Variants in SAMM50 observed in about 807,000 individuals in gnomAD.
SAMM50 encodes SAMM50 sorting and assembly machinery component, also known as sorting and assembly machinery component 50 homolog.
Under a neutral mutation model 66.9 loss-of-function variants are expected in SAMM50, and 47 were observed. The ratio of observed to expected loss-of-function variants is 0.70; its 90% CI spans 0.56 to 0.90. The LOEUF (loss-of-function observed/expected upper bound fraction) is 0.90, where lower values mean the gene tolerates loss of function less well. Ranked by LOEUF, SAMM50 falls within the 40% of genes least tolerant of loss-of-function variation. The pLI is 0.00. For missense variants in SAMM50, 535 were observed against 595.3 expected (o/e 0.90, Z 1.05); for synonymous variants, 191 against 214.1 (o/e 0.89, Z 0.94).
intron 12 of SAMM50, among the ~76,000 whole-genome samples, chr22:43,985,950 T>TC (rs1034576923): frequency 6.6e-6 from 1 of 151,812 alleles, no homozygotes; most frequent in Non-Finnish European, 1.5e-5. Context: ...TTTTTTTTTT[T>TC]CTTTTATGAT....
chr22:43,992,386 G>C (rs1488746099), intron 14 of SAMM50, among the ~76,000 whole-genome samples: 1 of 152,260 alleles, frequency 6.6e-6, no homozygotes, highest in Non-Finnish European at 1.5e-5. Context: ...ACACGGCAGG[G>C]GCTGCCAGGC....
At chr22:43,972,142 G>A in intron 4 of SAMM50, 94 bp from the exon 5 acceptor site, 1 of 639,766 alleles carries the variant, frequency 1.6e-6, no homozygotes, top group Non-Finnish European at 2.6e-6. Flanking sequence ...AAAATAGAAT[G>A]AACCTTCAGA....
chr22:43,964,400 C>T (rs1359691404), intron 2 of SAMM50, 52 bp from the exon 3 acceptor site: 3 of 897,934 alleles, frequency 3.3e-6, no homozygotes, highest in South Asian at 3.1e-5. Flanking sequence ...GTCTTGACAC[C>T]TAATCTGTTT....
chr22:43,968,257 A>G (rs1434030903), intron 3 of SAMM50, among the ~76,000 whole-genome samples: 4 of 151,326 alleles, frequency 2.6e-5, no homozygotes, highest in African/African-American at 9.7e-5. Context: ...AGAAAAAAGA[A>G]AAAAAGAAAA....
intron 12 of SAMM50, 91 bp from the exon 13 acceptor site, chr22:43,989,020 A>G: frequency 7.4e-7 from 1 of 1,345,300 alleles, no homozygotes; most frequent in South Asian, 1.3e-5. Flanking sequence ...TGTTTACAGG[A>G]CAGAAATCTT....
chr22:43,974,630 G>A (rs1047493555), intron 7 of SAMM50: 30 of 152,294 alleles, frequency 2.0e-4, no homozygotes, highest in African/African-American at 7.2e-4. Context: ...TTGTCTGGAA[G>A]GGAGCAGCCC....
chr22:43,989,012 T>C lies in SAMM50; in HGVS notation c.1076-99T>C. 8.8e-6 allele frequency: 11 copies of C among 1,248,776 alleles called. No homozygotes were observed. In the South Asian group the frequency reaches 1.6e-4, roughly 18 times the overall value. The allele number at this position is 1,248,776 out of a possible 1,614,324, so 77.4% of individuals were successfully genotyped here. A position where few individuals can be genotyped will look rare whatever the true frequency, so the allele number is the denominator to read the frequency against. On this transcript the variant is annotated intron_variant, in intron 12 of 14. Transcript: ENST00000350028. ...CAAACTCCAGCACTGTGTGGCGTTGTTTACAGGACAGAAATCTTGCTTCTG... is the reference window on the plus strand; with the variant it reads ...CAAACTCCAGCACTGTGTGGCGTTGCTTACAGGACAGAAATCTTGCTTCTG...
Position 43,964,604 on chromosome 22 carries a change from C to T in SAMM50, c.234+51C>T, listed in dbSNP as rs554732466. The T allele has an allele frequency of 1.7e-5, 17 of 986,236 alleles. No individual in the cohort carries two copies. The East Asian group carries it at 2.7e-4, about 16-fold the overall frequency. The allele number at this position is 986,236 out of a possible 1,614,324, so 61.1% of individuals were successfully genotyped here. On this transcript the variant is annotated intron_variant, in intron 3 of 14. Transcript: ENST00000350028. Reference sequence around the variant, plus strand: ...CTTTCCCAGTCTCTTCTGAAGAACTCGTAAATGTCCCCATGTGAAACCACA... The same window carrying T: ...CTTTCCCAGTCTCTTCTGAAGAACTTGTAAATGTCCCCATGTGAAACCACA...
chr22:43,973,302 A>G lies in SAMM50; in HGVS notation c.627A>G (p.Arg209=), dbSNP rs753798267. The part of the protein sequence containing the change: ...FPWSSLRETD[R]GMSAEYSFPI... The stretch of plus-strand genomic sequence containing the variant: ...GGAGCTCACTGCGGGAGACGGACAG[A>G]GGAATGTCAGCTGAGTACAGTGTGA... Residue 209 remains arginine, a synonymous_variant, in exon 7 of 15, where the codon AGA becomes AGG. Coordinates refer to ENST00000350028, the MANE Select transcript of SAMM50 (RefSeq NM_015380.5). 6.2e-7 allele frequency: 1 copy of G among 1,601,564 alleles called. No homozygotes were observed. The highest frequency in any genetic ancestry group is 2.2e-5 in the East Asian group (1 of 44,836).
intron 14 of SAMM50, 41 bp from the exon 15 acceptor site, chr22:43,996,297 G>T: frequency 1.2e-6 from 2 of 1,610,984 alleles, no homozygotes; most frequent in Non-Finnish European, 1.7e-6. Flanking sequence ...TGGCAGGGCT[G>T]GCGGAGCGGC....
chr22:43,996,290 C>A (rs778673586), intron 14 of SAMM50, 48 bp from the exon 15 acceptor site: 1 of 1,603,156 alleles, frequency 6.2e-7, no homozygotes, highest in Non-Finnish European at 8.5e-7. Flanking sequence ...GTGAAGATGG[C>A]AGGGCTGGCG....
Position 43,968,776 on chromosome 22 carries a change from G to A in SAMM50, c.280G>A (p.Gly94Arg). Reference protein sequence around the residue: ...HEAREKLLRLGIFRQVDVLID... With the variant: ...HEAREKLLRLRIFRQVDVLID... ...AGCCCGTGAAAAATTGCTCCGTCTT[G>A]GAATTTTTAGACAAGTGGATGTTTT... Residue 94 changes from glycine to arginine, a missense_variant, in exon 4 of 15, where the codon GGA becomes AGA. Physicochemically the swap from Gly to Arg is moderately radical, Grantham distance 125. Coordinates refer to ENST00000350028, the MANE Select transcript of SAMM50 (RefSeq NM_015380.5). 6.2e-7 allele frequency: 1 copy of A among 1,613,460 alleles called. No individual in the cohort carries two copies. The highest frequency in any genetic ancestry group is 8.5e-7 in the Non-Finnish European group (1 of 1,179,404).
Position 43,972,851 on chromosome 22 carries a change from T to TC in SAMM50, c.430-20_430-19insC. ...TCCTTCAATGTAGACCACTGCTATT[T>TC]TTTTTTTTTCCCCTCCTAGGTACTT... On this transcript the variant is annotated intron_variant, in intron 5 of 14. Transcript: ENST00000350028. 6.3e-7 allele frequency: 1 copy of TC among 1,575,164 alleles called. No homozygotes were observed. Among genetic ancestry groups the TC allele is most frequent in the Non-Finnish European group, 8.6e-7 (1 of 1,165,466 alleles).
Position 43,990,270 on chromosome 22 carries a change from G to A in SAMM50, c.1228G>A (p.Gly410Ser), listed in dbSNP as rs1162154121. The stretch of plus-strand genomic sequence containing the variant: ...ACAGGTCTTTCTCTTTTCAGGGGAG[G>A]GCCCCAAAGCTCATATTCGTAAGCT... ...GNLCNLNYGE[G>S]PKAHIRKLAE... Residue 410 changes from glycine (G) to serine (S), a missense_variant, in exon 14 of 15, where the codon GGC becomes AGC. Physicochemically the swap from Gly to Ser is moderately conservative, Grantham distance 56. Transcript: ENST00000350028. 7 of 1,614,056 alleles carry A rather than the reference G, an allele frequency of 4.3e-6. No individual in the cohort carries two copies. The highest frequency in any genetic ancestry group is 5.9e-6 in the Non-Finnish European group (7 of 1,180,038).
Position 43,981,433 on chromosome 22 carries a change from G to A in SAMM50, c.979G>A (p.Gly327Ser). 6.2e-7 allele frequency: 1 copy of A among 1,613,662 alleles called. No homozygotes were observed. The highest frequency in any genetic ancestry group is 1.1e-5 in the South Asian group (1 of 91,060). The change falls in exon 11 of 15, where the codon GGT becomes AGT. Residue 327 changes from glycine to serine, a missense_variant. By Grantham distance (56) the Gly-to-Ser change is moderately conservative. Coordinates refer to ENST00000350028, the MANE Select transcript of SAMM50 (RefSeq NM_015380.5). ...SFWGGMLVPI[G>S]DKPSSIADRF... ...CTGGGGCGGAATGTTGGTACCCATT[G>A]GTGATAAGCCGTCAAGCATTGCTGA...
At position 43,989,268 on chromosome 22, in the gene SAMM50, C is replaced by G; in HGVS notation, c.1222+11C>G. 1 of 1,613,522 alleles carries G rather than the reference C, an allele frequency of 6.2e-7. No homozygotes were observed. ...GCAACCTCAACTATGGTAAAACTTGCGCTATTCAAGAAACCATTGTAGTAC... is the reference window on the plus strand; with the variant it reads ...GCAACCTCAACTATGGTAAAACTTGGGCTATTCAAGAAACCATTGTAGTAC... On this transcript the variant is annotated intron_variant, in intron 13 of 14. Coordinates refer to ENST00000350028, the MANE Select transcript of SAMM50 (RefSeq NM_015380.5).
chr22:43,989,253 C>T lies in SAMM50; in HGVS notation c.1218C>T (p.Asn406=). ...FLNAGNLCNL[N]YGEGPKAHIR... is the part of the protein sequence containing the mutation. ...ACGCAGGAAACCTCTGCAACCTCAA[C>T]TATGGTAAAACTTGCGCTATTCAAG... Residue 406 remains asparagine (N), a synonymous_variant, in exon 13 of 15, where the codon AAC becomes AAT. Coordinates refer to ENST00000350028, the MANE Select transcript of SAMM50 (RefSeq NM_015380.5). 6.2e-7 allele frequency: 1 copy of T among 1,613,998 alleles called. No individual in the cohort carries two copies. Among genetic ancestry groups the T allele is most frequent in the South Asian group, 1.1e-5 (1 of 91,068 alleles).
chr22:43,978,860 G>T (rs1161500786), intron 10 of SAMM50, among the ~76,000 whole-genome samples: 1 of 152,160 alleles, frequency 6.6e-6, no homozygotes, highest in East Asian at 1.9e-4. Flanking sequence ...GGCAAGGATT[G>T]AGTGTAATGA....
intron 14 of SAMM50, among the ~76,000 whole-genome samples, chr22:43,992,796 C>T (rs2050332056): frequency 6.6e-6 from 1 of 152,210 alleles, no homozygotes; most frequent in African/African-American, 2.4e-5. Context: ...ATACACCCGG[C>T]GTGGCCAGCC....
Sources: allele counts gnomAD v4.1 joint callset (sites outside exome capture counted in the v4.1 genomes callset), GRCh38; gene constraint gnomAD v4.1.1; transcripts MANE v1.5; gene names NCBI Gene and HGNC (gene_info 2026-07-23, HGNC 2026-07-21).